Variants in REPS2 observed in about 807,000 individuals in gnomAD.
REPS2 encodes the protein RALBP1 associated Eps domain containing 2.
Under a neutral mutation model 53.6 loss-of-function variants are expected in REPS2, and 23 were observed. The observed-to-expected ratio is 0.43, with a 90% CI of 0.31 to 0.61. REPS2 has a LOEUF of 0.61. Ranked by LOEUF, REPS2 falls within the 20% of genes least tolerant of loss-of-function variation. REPS2 has a pLI of 0.11. For missense variants in REPS2, 446 were observed against 534.9 expected (o/e 0.83, Z 1.64); for synonymous variants, 238 against 218.6 (o/e 1.09, Z -0.78).
At chrX:16,969,507 C>T (rs1361598204) in intron 1 of REPS2, among the ~76,000 whole-genome samples, 1 of 107,764 alleles carries the variant, frequency 9.3e-6, no homozygotes, top group East Asian at 3.0e-4. Flanking sequence ...GCGGATCACT[C>T]CCGGTTAGGA....
chrX:17,080,056 A>G (rs1214131957), intron 13 of REPS2, among the ~76,000 whole-genome samples: 1 of 111,754 alleles, frequency 8.9e-6, no homozygotes, highest in Non-Finnish European at 1.9e-5. Context: ...CTTTAGATAA[A>G]TGGGATCACA....
rs189574377 is a variant in REPS2 at position 17,125,711 on chromosome X, A to G, written c.1579-8113A>G. ...GGAGCAGGTTCCATATGGGCGAACT[A>G]ACCCAGTTATGTTGCAGAGGTAAAT... On this transcript the variant is annotated intron_variant, in intron 14 of 17. Transcript: ENST00000357277. Among the ~76,000 whole-genome samples the G allele has an allele frequency of 3.5e-5, 4 of 113,005 alleles. No individual in the cohort carries two copies. The East Asian group carries it at 1.1e-3, about 31-fold the overall frequency.
chrX:16,992,070 TGTG>T (rs907760275), intron 1 of REPS2, among the ~76,000 whole-genome samples: 4 of 111,705 alleles, frequency 3.6e-5, no homozygotes, highest in African/African-American at 1.3e-4. Flanking sequence ...TTTAGGATGT[TGTG>T]GTTTGAATAT....
intron 2 of REPS2, among the ~76,000 whole-genome samples, chrX:17,015,011 T>A (rs2061471881): frequency 8.8e-6 from 1 of 113,229 alleles, no homozygotes; most frequent in South Asian, 3.6e-4. Context: ...TACCTTTTAT[T>A]TGTGTGGCCT....
Position 17,052,397 on chromosome X carries a change from ACTT to A in REPS2, c.928_930del (p.Phe310del). ...CACTTGACAGGTTCTGTGGCCAAGA[ACTT>A]CTTCACCAAATCAAAGCTTTCCATT... is the stretch of plus-strand genomic sequence containing the variant. On this transcript the variant is annotated inframe_deletion, in exon 7 of 18. Coordinates refer to ENST00000357277, the MANE Select transcript of REPS2 (RefSeq NM_004726.3). The A allele has an allele frequency of 8.3e-7, 1 of 1,207,596 alleles. No homozygotes were observed. The highest frequency in any genetic ancestry group is 1.1e-6 in the Non-Finnish European group (1 of 893,268).
At chrX:17,114,260 A>G (rs946726092) in intron 14 of REPS2, among the ~76,000 whole-genome samples, 3 of 112,229 alleles carry the variant, frequency 2.7e-5, no homozygotes, top group Non-Finnish European at 5.6e-5. Flanking sequence ...GTGAATTTCT[A>G]CTAACTCTTT....
intron 13 of REPS2, among the ~76,000 whole-genome samples, chrX:17,078,421 GT>G (rs1424752565): frequency 8.9e-6 from 1 of 112,134 alleles, no homozygotes; most frequent in African/African-American, 3.2e-5. Flanking sequence ...GTTATAGATT[GT>G]TTTTTAATAT....
At chrX:17,099,663 T>C in intron 13 of REPS2, 1 of 427,504 alleles carries the variant, frequency 2.3e-6, no homozygotes, top group South Asian at 3.5e-5. Context: ...CGATACTGGC[T>C]CTTCAAAGGG....
At chrX:17,117,948 CTTTTTTTTTTTTTTT>C (rs145872769) in intron 14 of REPS2, among the ~76,000 whole-genome samples, 11 of 31,007 alleles carry the variant, frequency 3.5e-4, no homozygotes, top group African/African-American at 8.5e-4. Flanking sequence ...TGTTTCCTGA[CTTTTTTTTTTTTTTT>C]TTTTTTTTTT....
chrX:17,019,895 T>C (rs2061549347), intron 2 of REPS2, among the ~76,000 whole-genome samples: 1 of 112,361 alleles, frequency 8.9e-6, no homozygotes, highest in African/African-American at 3.2e-5. Flanking sequence ...TTTTAAAAGC[T>C]TGCATCAGTT....
intron 14 of REPS2, among the ~76,000 whole-genome samples, chrX:17,121,797 C>T (rs890871885): frequency 9.0e-6 from 1 of 111,454 alleles, no homozygotes; most frequent in Non-Finnish European, 1.9e-5. Context: ...CTGCAACCTC[C>T]GCTTCCCGGG....
chrX:17,024,698 TAATG>T (rs1474590546), intron 3 of REPS2, among the ~76,000 whole-genome samples: 5 of 111,664 alleles, frequency 4.5e-5, no homozygotes. Flanking sequence ...ATAAATTTAT[TAATG>T]AATGAAAATG....
At chrX:17,046,401 C>G (rs906748808) in intron 5 of REPS2, among the ~76,000 whole-genome samples, 5 of 111,272 alleles carry the variant, frequency 4.5e-5, no homozygotes, top group African/African-American at 1.6e-4. Flanking sequence ...TGGTCTTGAA[C>G]TCCTGACCTC....
At chrX:17,076,480 A>G (rs749169101) in intron 12 of REPS2, among the ~76,000 whole-genome samples, 14 of 112,104 alleles carry the variant, frequency 1.2e-4, no homozygotes, top group Admixed American at 1.2e-3. Flanking sequence ...TAAATATTCT[A>G]GTTGCTATCA....
intron 6 of REPS2, among the ~76,000 whole-genome samples, chrX:17,049,544 A>G (rs1247205644): frequency 8.9e-6 from 1 of 112,343 alleles, no homozygotes; most frequent in Non-Finnish European, 1.9e-5. Context: ...AGAATAATAG[A>G]ATAAAGATAT....
chrX:16,950,358 T>C (rs1251841928), intron 1 of REPS2, among the ~76,000 whole-genome samples: 1 of 112,242 alleles, frequency 8.9e-6, no homozygotes, highest in African/African-American at 3.2e-5. Flanking sequence ...TGCAGCCTTT[T>C]TTGTTACATG....
intron 1 of REPS2, among the ~76,000 whole-genome samples, chrX:16,978,270 T>C (rs1426845686): frequency 1.8e-5 from 2 of 112,184 alleles, no homozygotes; most frequent in East Asian, 5.5e-4. Flanking sequence ...GTTCAACTTT[T>C]GGCTTGTTTT....
At chrX:16,980,028 T>C (rs539460048) in intron 1 of REPS2, among the ~76,000 whole-genome samples, 1 of 111,784 alleles carries the variant, frequency 8.9e-6, no homozygotes, top group South Asian at 3.7e-4. Flanking sequence ...TCATATTGTA[T>C]CACAGTTGTT....
At chrX:17,145,695 A>C (rs1188749304) in intron 17 of REPS2, among the ~76,000 whole-genome samples, 1 of 111,585 alleles carries the variant, frequency 9.0e-6, no homozygotes, top group Admixed American at 9.5e-5. Context: ...GGGTCCCTGC[A>C]GTAACCTCCC....
Sources: gnomAD v4.1 joint callset for allele counts (sites outside exome capture counted in the v4.1 genomes callset) on GRCh38, gnomAD v4.1.1 for gene constraint, MANE v1.5 for transcripts, NCBI Gene and HGNC (gene_info 2026-07-23, HGNC 2026-07-21) for gene names.